ME1: variants seen among roughly 807,000 people sequenced by gnomAD.
ME1 encodes the protein malic enzyme 1.
Under a neutral mutation model 66.4 loss-of-function variants are expected in ME1, and 74 were observed. That is an observed-to-expected ratio of 1.11 (90% CI 0.92 to 1.35). The LOEUF is 1.35. Among genes scored for constraint, ME1 ranks in the 40% most tolerant of loss-of-function variants. The pLI is 0.00. For missense variants in ME1, 750 were observed against 694.1 expected, an observed-to-expected ratio of 1.08 and a Z score of -0.90; for synonymous variants, 251 against 235.6, an observed-to-expected ratio of 1.07 and a Z score of -0.60.
In ME1 at chr6:83,363,376, G is replaced by A. The variant is rs868445669; in HGVS notation, c.363-11237C>T. Among the ~76,000 whole-genome samples, 42 of 152,258 alleles carry A rather than the reference G, an allele frequency of 2.8e-4. No individual in the cohort carries two copies. In the South Asian group the frequency reaches 5.8e-3, roughly 21 times the overall value. The stretch of plus-strand genomic sequence containing the variant: ...GTTTGCTGGGATGATTGACCTGGAC[G>A]ATCAAGATGAAATCAGTTTACTACT... On this transcript the variant is annotated intron_variant, in intron 3 of 13. Transcript: ENST00000369705.
At chr6:83,293,240 G>C (rs944560470) in intron 6 of ME1, among the ~76,000 whole-genome samples, 8 of 152,170 alleles carry the variant, frequency 5.3e-5, no homozygotes, top group Non-Finnish European at 1.0e-4. Flanking sequence ...CTTGCTGGGA[G>C]CTGTAGACCA....
At chr6:83,420,909 GTTTTTTGT>G (rs1463253632) in intron 1 of ME1, among the ~76,000 whole-genome samples, 1 of 151,566 alleles carries the variant, frequency 6.6e-6, no homozygotes, top group Non-Finnish European at 1.5e-5. Context: ...TTTTGTTTTT[GTTTTTTGT>G]TTTTTTGTTT....
chr6:83,361,413 C>T (rs773770906), intron 3 of ME1, among the ~76,000 whole-genome samples: 6 of 152,206 alleles, frequency 3.9e-5, no homozygotes, highest in Non-Finnish European at 5.9e-5. Flanking sequence ...GCCCATTTAT[C>T]GAGTGACCTG....
intron 9 of ME1, among the ~76,000 whole-genome samples, chr6:83,237,382 A>G (rs1402888267): frequency 8.4e-6 from 1 of 119,216 alleles, no homozygotes; most frequent in African/African-American, 3.9e-5. Context: ...AAAAGGAAGG[A>G]AAGGAAGGAA....
chr6:83,302,315 G>A (rs758700191), intron 6 of ME1, among the ~76,000 whole-genome samples: 7 of 151,996 alleles, frequency 4.6e-5, no homozygotes, highest in Non-Finnish European at 8.8e-5. Context: ...TAGGAGGTTG[G>A]GAGGAGGGAG....
At chr6:83,228,430 C>T (rs1447256010) in intron 10 of ME1, among the ~76,000 whole-genome samples, 1 of 152,126 alleles carries the variant, frequency 6.6e-6, no homozygotes, top group Non-Finnish European at 1.5e-5. Context: ...TGCTAGATGT[C>T]AGTAGCCCCT....
chr6:83,305,992 A>T (rs981920004), intron 6 of ME1, among the ~76,000 whole-genome samples: 1 of 152,160 alleles, frequency 6.6e-6, no homozygotes, highest in African/African-American at 2.4e-5. Context: ...TACCTGCTTT[A>T]CCTTTGTCTA....
At chr6:83,275,357 A>G (rs1396510365) in intron 6 of ME1, among the ~76,000 whole-genome samples, 9 of 43,500 alleles carry the variant, frequency 2.1e-4, no homozygotes, top group Non-Finnish European at 3.5e-4. Flanking sequence ...AACAAATAAT[A>G]ATAATAATAA....
chr6:83,324,662 G>C (rs996531696), intron 5 of ME1, among the ~76,000 whole-genome samples: 4 of 103,220 alleles, frequency 3.9e-5, no homozygotes, highest in Non-Finnish European at 7.2e-5. Flanking sequence ...TCGAATCCCC[G>C]AATAGACCAA....
intron 6 of ME1, among the ~76,000 whole-genome samples, chr6:83,262,451 T>C (rs1766916791): frequency 6.6e-6 from 1 of 152,212 alleles, no homozygotes. Flanking sequence ...CCTCAAAGCA[T>C]GTTCCAGTAA....
intron 12 of ME1, among the ~76,000 whole-genome samples, chr6:83,217,054 G>A (rs189395451): frequency 7.7e-4 from 117 of 152,338 alleles, no homozygotes; most frequent in Non-Finnish European, 1.4e-3. Context: ...GGCTGAGAAA[G>A]CTAGTTCAGA....
intron 13 of ME1, among the ~76,000 whole-genome samples, chr6:83,214,683 T>C (rs1936821): frequency 0.2 from 30,305 of 152,094 alleles, 5,303 homozygotes; most frequent in African/African-American, 0.46. Context: ...CACTCCTAGA[T>C]ATTCACCAGT....
intron 1 of ME1, among the ~76,000 whole-genome samples, chr6:83,420,919 TTTTTG>T (rs762669137): frequency 5.9e-5 from 9 of 152,186 alleles, no homozygotes; most frequent in African/African-American, 2.2e-4. Context: ...GTTTTTTGTT[TTTTTG>T]TTTTTAGTTT....
At chr6:83,312,683 G>T (rs893870288) in intron 6 of ME1, among the ~76,000 whole-genome samples, 1 of 152,046 alleles carries the variant, frequency 6.6e-6, no homozygotes, top group African/African-American at 2.4e-5. Context: ...GCTATTGGTG[G>T]GTCCATGTTG....
intron 6 of ME1, among the ~76,000 whole-genome samples, chr6:83,285,885 A>G (rs930032189): frequency 1.3e-5 from 2 of 152,212 alleles, no homozygotes; most frequent in African/African-American, 4.8e-5. Context: ...TTTCAACTGA[A>G]TAACCGAGTT....
intron 5 of ME1, among the ~76,000 whole-genome samples, chr6:83,316,581 A>G (rs1024003291): frequency 6.6e-6 from 1 of 152,114 alleles, no homozygotes; most frequent in African/African-American, 2.4e-5. Context: ...TATTACAATA[A>G]GGCAAGAAAA....
chr6:83,332,486 CG>C (rs1768433153), intron 5 of ME1, among the ~76,000 whole-genome samples: 2 of 152,200 alleles, frequency 1.3e-5, no homozygotes, highest in African/African-American at 4.8e-5. Flanking sequence ...TCCACAATTG[CG>C]AAGATATGAA....
At chr6:83,216,423 T>C in intron 13 of ME1, 75 bp downstream of exon 13, 1 of 1,060,062 alleles carries the variant, frequency 9.4e-7, no homozygotes, top group Non-Finnish European at 1.4e-6. Flanking sequence ...GGAAGCAGAT[T>C]TTTAATATTT....
rs61055748 is a variant in ME1 at position 83,298,931 on chromosome 6, GTTTTTTTTTTTTTTTTTTTTTTTTTT to G, written c.704+16353_704+16378del. 4.0e-4 allele frequency among the ~76,000 whole-genome samples: 9 copies of G among 22,458 alleles called. 1 individual carries two copies. The highest frequency in any genetic ancestry group is 7.0e-4 in the Non-Finnish European group (9 of 12,852). 14.7% of individuals were successfully genotyped at this position (22,458 alleles called of 152,430 possible). On this transcript the variant is annotated intron_variant, in intron 6 of 13. Transcript: ENST00000369705. ...TGCTGTTCCATTAGTCTATGTGTCT[GTTTTTTTTTTTTTTTTTTTTTTTTTT>G]TTTTTTTTTTTTTTACCAGTACTAT...
Sources: allele counts gnomAD v4.1 joint callset (sites outside exome capture counted in the v4.1 genomes callset), GRCh38; gene constraint gnomAD v4.1.1; transcripts MANE v1.5; gene names NCBI Gene and HGNC (gene_info 2026-07-23, HGNC 2026-07-21).